Variants in ADGRB3 observed in about 807,000 individuals in gnomAD.
ADGRB3 encodes brain-specific angiogenesis inhibitor 3.
In ADGRB3, 37 loss-of-function variants were observed where a neutral mutation model predicts 193.4. That is an observed-to-expected ratio of 0.19 (90% CI 0.15 to 0.25). The LOEUF is 0.25. Ranked by LOEUF, ADGRB3 falls within the 10% of genes least tolerant of loss-of-function variation. ADGRB3 has a pLI of 1.00. For missense variants in ADGRB3, 1,637 were observed against 1,852.9 expected (o/e 0.88, Z 2.14); for synonymous variants, 690 against 644.2 (o/e 1.07, Z -1.08).
At chr6:69,093,527 G>A (rs1772776240) in intron 17 of ADGRB3, among the ~76,000 whole-genome samples, 2 of 151,846 alleles carry the variant, frequency 1.3e-5, no homozygotes, top group African/African-American at 4.8e-5. Context: ...CTAGGTTCAG[G>A]GGGATATGGG....
At chr6:68,922,410 G>A (rs1419721899) in intron 3 of ADGRB3, among the ~76,000 whole-genome samples, 1 of 152,202 alleles carries the variant, frequency 6.6e-6, no homozygotes, top group Non-Finnish European at 1.5e-5. Flanking sequence ...TTGATTTAAT[G>A]CTTAGATGTG....
At position 68,715,242 on chromosome 6, in the gene ADGRB3, C is replaced by A. The variant is rs568283838; in HGVS notation, c.757+75810C>A. On this transcript the variant is annotated intron_variant, in intron 3 of 31. Coordinates refer to ENST00000370598, the MANE Select transcript of ADGRB3 (RefSeq NM_001704.3). ...GGATCGCTGAGGAGTATAATAGTTTCTATAAGCCTCTCGGTAGTAGCCCTC... is the reference window on the plus strand; with the variant it reads ...GGATCGCTGAGGAGTATAATAGTTTATATAAGCCTCTCGGTAGTAGCCCTC... Among the ~76,000 whole-genome samples the A allele has an allele frequency of 8.9e-4, 135 of 151,498 alleles. 3 individuals are homozygous for A. The highest frequency in any genetic ancestry group is 3.0e-4 in the Non-Finnish European group (20 of 67,732).
At chr6:69,384,081 C>T (rs1328993812) in intron 31 of ADGRB3, among the ~76,000 whole-genome samples, 1 of 151,904 alleles carries the variant, frequency 6.6e-6, no homozygotes, top group South Asian at 2.1e-4. Flanking sequence ...TTTTATTCCT[C>T]TCAGTACTAG....
At chr6:69,330,155 A>G (rs1389646144) in intron 22 of ADGRB3, among the ~76,000 whole-genome samples, 2 of 152,300 alleles carry the variant, frequency 1.3e-5, no homozygotes, top group East Asian at 1.9e-4. Context: ...GAAAAAATCC[A>G]TAATGGATAT....
intron 6 of ADGRB3, among the ~76,000 whole-genome samples, chr6:68,945,594 A>C (rs1290116563): frequency 6.6e-6 from 1 of 152,154 alleles, no homozygotes; most frequent in African/African-American, 2.4e-5. Flanking sequence ...AGAAATAGAC[A>C]ATATGGAGAA....
intron 17 of ADGRB3, chr6:69,232,666 G>A (rs966937893): frequency 5.3e-6 from 8 of 1,514,894 alleles, no homozygotes; most frequent in Admixed American, 2.0e-5. Flanking sequence ...ACCAGGCAAA[G>A]GCAATGAGAG....
chr6:68,731,480 C>A (rs1157072651), intron 3 of ADGRB3, among the ~76,000 whole-genome samples: 1 of 151,396 alleles, frequency 6.6e-6, no homozygotes, highest in Admixed American at 6.6e-5. Flanking sequence ...AGAATATGAT[C>A]CAGAATGCTG....
At chr6:68,656,224 A>G (rs1185103524) in intron 3 of ADGRB3, among the ~76,000 whole-genome samples, 1 of 151,588 alleles carries the variant, frequency 6.6e-6, no homozygotes, top group Non-Finnish European at 1.5e-5. Flanking sequence ...TTTTACTTTT[A>G]GATATTACAA....
intron 20 of ADGRB3, among the ~76,000 whole-genome samples, chr6:69,297,213 C>T (rs1767840156): frequency 6.6e-6 from 1 of 151,994 alleles, no homozygotes; most frequent in Admixed American, 6.6e-5. Context: ...TAATATGTGA[C>T]ATCAATAGAG....
At chr6:68,934,346 A>G (rs1767428564) in intron 4 of ADGRB3, among the ~76,000 whole-genome samples, 1 of 152,182 alleles carries the variant, frequency 6.6e-6, no homozygotes, top group Non-Finnish European at 1.5e-5. Flanking sequence ...GTTCAGCATC[A>G]TTGCAGTATC....
At chr6:68,887,462 G>A (rs1271816385) in intron 3 of ADGRB3, among the ~76,000 whole-genome samples, 2 of 151,956 alleles carry the variant, frequency 1.3e-5, no homozygotes, top group Non-Finnish European at 2.9e-5. Flanking sequence ...CCACCAGAGA[G>A]GTCAAACTAA....
chr6:69,025,939 C>G (rs1582402904), intron 13 of ADGRB3, among the ~76,000 whole-genome samples: 1 of 152,020 alleles, frequency 6.6e-6, no homozygotes, highest in Admixed American at 6.6e-5. Context: ...GACAAACTGC[C>G]CAGGTGTGTA....
intron 10 of ADGRB3, among the ~76,000 whole-genome samples, chr6:68,983,076 TAA>T (rs954649735): frequency 6.6e-6 from 1 of 152,108 alleles, no homozygotes; most frequent in African/African-American, 2.4e-5. Flanking sequence ...TGGTCTTATA[TAA>T]GTGAGACATT....
intron 17 of ADGRB3, among the ~76,000 whole-genome samples, chr6:69,123,935 G>A (rs1221791412): frequency 6.6e-6 from 1 of 152,070 alleles, no homozygotes; most frequent in Non-Finnish European, 1.5e-5. Flanking sequence ...TTTTGGAAAG[G>A]GGACTTACAT....
chr6:68,916,773 A>C (rs1294853697), intron 3 of ADGRB3, among the ~76,000 whole-genome samples: 1 of 152,240 alleles, frequency 6.6e-6, no homozygotes, highest in Non-Finnish European at 1.5e-5. Context: ...TGCATGTTGC[A>C]GAAACGAAAA....
At chr6:68,945,015 G>A (rs1039262585) in intron 6 of ADGRB3, among the ~76,000 whole-genome samples, 14 of 152,086 alleles carry the variant, frequency 9.2e-5, no homozygotes, top group Non-Finnish European at 1.9e-4. Context: ...CCCACTGACC[G>A]TTTAAATACC....
At chr6:68,689,239 G>A (rs1765030622) in intron 3 of ADGRB3, among the ~76,000 whole-genome samples, 1 of 152,090 alleles carries the variant, frequency 6.6e-6, no homozygotes, top group African/African-American at 2.4e-5. Context: ...GGGCAGGGTT[G>A]GGGGAGGGTA....
intron 20 of ADGRB3, among the ~76,000 whole-genome samples, chr6:69,282,670 C>T (rs1767461577): frequency 6.6e-6 from 1 of 152,018 alleles, no homozygotes; most frequent in Non-Finnish European, 1.5e-5. Context: ...CTTAAGCTAA[C>T]CAATATTTAT....
intron 24 of ADGRB3, 129 bp from the exon 25 acceptor site, chr6:69,338,787 G>T: frequency 4.0e-6 from 3 of 756,682 alleles, no homozygotes; most frequent in South Asian, 3.4e-5. Context: ...CAACAACCTA[G>T]AGCATACATT....
Sources: gnomAD v4.1 joint callset for allele counts (sites outside exome capture counted in the v4.1 genomes callset) on GRCh38, gnomAD v4.1.1 for gene constraint, MANE v1.5 for transcripts, NCBI Gene and HGNC (gene_info 2026-07-23, HGNC 2026-07-21) for gene names.